LYPLAL1: variants seen among roughly 807,000 people sequenced by gnomAD.
LYPLAL1 encodes the protein lysophospholipase-like protein 1.
A neutral mutation model predicts 19.7 loss-of-function variants in LYPLAL1; 23 were observed. The observed-to-expected ratio is 1.17, with a 90% CI of 0.84 to 1.65. The LOEUF is 1.65. Among genes scored for constraint, LYPLAL1 ranks in the 40% most tolerant of loss-of-function variants. The probability of loss-of-function intolerance (pLI) is 0.00; values close to 1 mark genes in which losing one functional copy is unlikely to be tolerated. For synonymous variants in LYPLAL1, 119 were observed against 96.3 expected (o/e 1.24, Z -1.38); for missense variants, 355 against 279.4 (o/e 1.27, Z -1.93).
At chr1:219,174,061 G>C (rs1655597163) in intron 1 of LYPLAL1, 80 bp downstream of exon 1, 2 of 1,583,050 alleles carry the variant, frequency 1.3e-6, no homozygotes, top group Admixed American at 3.5e-5. Flanking sequence ...TGCCCAAGTG[G>C]AGGTGTCGCC....
chr1:219,416,779 G>GT, the LYPLAL1 span, among the ~76,000 whole-genome samples: 1 of 152,186 alleles, frequency 6.6e-6, no homozygotes. Flanking sequence ...CTAGTGAGCA[G>GT]TAAGGGCAAT....
chr1:219,198,745 A>G (rs962354627), intron 3 of LYPLAL1: 2 of 152,182 alleles, frequency 1.3e-5, no homozygotes, highest in African/African-American at 4.8e-5. Flanking sequence ...ATGTTTTAAT[A>G]TTACGTGAAT....
chr1:219,433,081 C>T, the LYPLAL1 span, among the ~76,000 whole-genome samples: 1 of 152,156 alleles, frequency 6.6e-6, no homozygotes, highest in Non-Finnish European at 1.5e-5. Flanking sequence ...GTTTTCTACT[C>T]CAGGGATAAC....
At chr1:219,287,762 T>A in the LYPLAL1 span, among the ~76,000 whole-genome samples, 1 of 152,240 alleles carries the variant, frequency 6.6e-6, no homozygotes, top group Non-Finnish European at 1.5e-5. Flanking sequence ...CGAACTGTCA[T>A]CCTCACTTGA....
the LYPLAL1 span, among the ~76,000 whole-genome samples, chr1:219,354,898 CTATT>C: frequency 0.074 from 11,209 of 152,012 alleles, 496 homozygotes; most frequent in Non-Finnish European, 0.1. Flanking sequence ...AGATATTTGA[CTATT>C]TAAAGTCAAA....
the LYPLAL1 span, among the ~76,000 whole-genome samples, chr1:219,227,201 C>CACAT: frequency 6.6e-6 from 1 of 152,134 alleles, no homozygotes; most frequent in Non-Finnish European, 1.5e-5. Flanking sequence ...AAAATCTCTG[C>CACAT]TCTGAGGAGT....
the LYPLAL1 span, among the ~76,000 whole-genome samples, chr1:219,307,066 C>T: frequency 6.7e-6 from 1 of 149,306 alleles, no homozygotes; most frequent in Non-Finnish European, 1.5e-5. Context: ...ATAATCATCT[C>T]ATCCCTTATT....
chr1:219,294,026 C>A, the LYPLAL1 span, among the ~76,000 whole-genome samples: 22 of 152,298 alleles, frequency 1.4e-4, no homozygotes, highest in African/African-American at 5.1e-4. Flanking sequence ...ATCTCCAAAG[C>A]CATTTGACTA....
chr1:219,269,013 A>G, the LYPLAL1 span, among the ~76,000 whole-genome samples: 1 of 152,340 alleles, frequency 6.6e-6, no homozygotes, highest in African/African-American at 2.4e-5. Flanking sequence ...GCTGATTGTC[A>G]AAGGTGATGT....
At chr1:219,366,481 T>C in the LYPLAL1 span, among the ~76,000 whole-genome samples, 1 of 152,216 alleles carries the variant, frequency 6.6e-6, no homozygotes, top group Non-Finnish European at 1.5e-5. Flanking sequence ...TCGTGTGACT[T>C]ATTACTATAG....
chr1:219,226,640 T>G, the LYPLAL1 span, among the ~76,000 whole-genome samples: 1 of 152,196 alleles, frequency 6.6e-6, no homozygotes, highest in African/African-American at 2.4e-5. Flanking sequence ...TGATCCAGCT[T>G]TGTTGCTGAC....
Position 219,210,645 on chromosome 1 carries a change from C to A in LYPLAL1, c.475C>A (p.Gln159Lys). 4 of 1,598,618 alleles carry A rather than the reference C, an allele frequency of 2.5e-6. No homozygotes were observed. The South Asian group carries it at 4.5e-5, about 18-fold the overall frequency. ...SFLNKASAVY[Q>K]ALQKSNGVLP... ...TCTGAATAAAGCATCTGCTGTTTACCAGGTAAGTTCCAGATTTAAAAAAAA... is the reference window on the plus strand; with the variant it reads ...TCTGAATAAAGCATCTGCTGTTTACAAGGTAAGTTCCAGATTTAAAAAAAA... The change falls in exon 4 of 5, where the codon CAG (glutamine) becomes AAG (lysine). Residue 159 changes from glutamine to lysine, a missense_variant and splice_region_variant. By Grantham distance (53) the Gln-to-Lys change is moderately conservative. Transcript: ENST00000366928.
the LYPLAL1 span, among the ~76,000 whole-genome samples, chr1:219,357,311 C>T: frequency 6.6e-6 from 1 of 152,046 alleles, no homozygotes; most frequent in South Asian, 2.1e-4. Flanking sequence ...CAATATGTGG[C>T]AACAACATTT....
At chr1:219,228,048 T>A in the LYPLAL1 span, among the ~76,000 whole-genome samples, 1 of 152,164 alleles carries the variant, frequency 6.6e-6, no homozygotes, top group Non-Finnish European at 1.5e-5. Context: ...ACTCCCTCTC[T>A]GGTAGAGAGA....
chr1:219,205,358 C>T (rs1040938526), intron 3 of LYPLAL1, among the ~76,000 whole-genome samples: 11 of 92,826 alleles, frequency 1.2e-4, no homozygotes, highest in East Asian at 4.0e-4. Flanking sequence ...AGCGAGACTC[C>T]GTCTCAAAAA....
chr1:219,387,686 A>G, the LYPLAL1 span, among the ~76,000 whole-genome samples: 1 of 152,314 alleles, frequency 6.6e-6, no homozygotes, highest in African/African-American at 2.4e-5. Flanking sequence ...AGTTTGGAAA[A>G]AATTCACAGA....
intron 2 of LYPLAL1, among the ~76,000 whole-genome samples, chr1:219,186,282 T>G (rs1309082619): frequency 6.6e-6 from 1 of 151,916 alleles, no homozygotes; most frequent in Non-Finnish European, 1.5e-5. Flanking sequence ...TCTTGGTGAC[T>G]GTTACTGTGC....
At chr1:219,293,151 G>T in the LYPLAL1 span, among the ~76,000 whole-genome samples, 3 of 152,164 alleles carry the variant, frequency 2.0e-5, no homozygotes, top group African/African-American at 7.2e-5. Flanking sequence ...GCTTGCAGGA[G>T]CCTTTTGAGG....
At chr1:219,234,783 A>C in the LYPLAL1 span, among the ~76,000 whole-genome samples, 1 of 152,092 alleles carries the variant, frequency 6.6e-6, no homozygotes, top group Non-Finnish European at 1.5e-5. Flanking sequence ...TATTTTTATC[A>C]CTTAGGAACA....
Sources: allele counts gnomAD v4.1 joint callset (sites outside exome capture counted in the v4.1 genomes callset), GRCh38; gene constraint gnomAD v4.1.1; transcripts MANE v1.5; gene names NCBI Gene and HGNC (gene_info 2026-07-23, HGNC 2026-07-21).